Variants in SPOCK1 observed in about 807,000 individuals in gnomAD.
SPOCK1 encodes SPARC (osteonectin), cwcv and kazal like domains proteoglycan 1.
In SPOCK1, 23 loss-of-function variants were observed where a neutral mutation model predicts 55.3. The ratio of observed to expected loss-of-function variants is 0.42; its 90% confidence interval spans 0.30 to 0.59. The LOEUF (loss-of-function observed/expected upper bound fraction) is 0.59, where lower values mean the gene tolerates loss of function less well. SPOCK1 is among the 20% of genes least tolerant of loss of function. The probability of loss-of-function intolerance (pLI) is 0.22; values close to 1 mark genes in which losing one functional copy is unlikely to be tolerated. For missense variants in SPOCK1, 499 were observed against 552.5 expected, an observed-to-expected ratio of 0.90 and a Z score of 0.97; for synonymous variants, 226 against 221.0, an observed-to-expected ratio of 1.02 and a Z score of -0.20.
At chr5:137,256,991 A>G (rs938711045) in intron 3 of SPOCK1, among the ~76,000 whole-genome samples, 1 of 152,196 alleles carries the variant, frequency 6.6e-6, no homozygotes, top group Non-Finnish European at 1.5e-5. Context: ...AGTCCTTACA[A>G]TGCTGACCCA....
At chr5:137,306,470 A>G (rs1757702727) in intron 2 of SPOCK1, among the ~76,000 whole-genome samples, 1 of 152,168 alleles carries the variant, frequency 6.6e-6, no homozygotes. Flanking sequence ...TGAGCAGGGG[A>G]CATCTGTGTA....
At chr5:137,432,171 C>G (rs1752761671) in intron 2 of SPOCK1, among the ~76,000 whole-genome samples, 1 of 152,184 alleles carries the variant, frequency 6.6e-6, no homozygotes, top group Non-Finnish European at 1.5e-5. Context: ...TAAAATGATG[C>G]AGCTGCTATG....
intron 2 of SPOCK1, among the ~76,000 whole-genome samples, chr5:137,380,808 T>A (rs1751446552): frequency 6.6e-6 from 1 of 152,126 alleles, no homozygotes; most frequent in African/African-American, 2.4e-5. Context: ...TATTATTCCA[T>A]CCCTGGCCCC....
At chr5:137,115,054 T>A (rs1753550382) in intron 4 of SPOCK1, among the ~76,000 whole-genome samples, 1 of 152,130 alleles carries the variant, frequency 6.6e-6, no homozygotes, top group African/African-American at 2.4e-5. Context: ...ATCATCTCTA[T>A]CACTGGACCT....
intron 3 of SPOCK1, among the ~76,000 whole-genome samples, chr5:137,192,251 A>AAAAAG (rs1755196987): frequency 6.7e-6 from 1 of 149,046 alleles, no homozygotes; most frequent in East Asian, 1.9e-4. Flanking sequence ...AAAAAAAAAA[A>AAAAAG]AAAAGAAAAG....
At chr5:137,049,399 C>T (rs1237140279) in intron 6 of SPOCK1, among the ~76,000 whole-genome samples, 6 of 121,654 alleles carry the variant, frequency 4.9e-5, no homozygotes, top group Non-Finnish European at 6.8e-5. Flanking sequence ...TTTCATCTTC[C>T]ATTGCTGATA....
intron 2 of SPOCK1, among the ~76,000 whole-genome samples, chr5:137,364,459 C>T (rs1280707455): frequency 6.6e-6 from 1 of 152,190 alleles, no homozygotes; most frequent in Non-Finnish European, 1.5e-5. Flanking sequence ...TTTACACAGC[C>T]TTTGGATGGG....
At chr5:137,246,601 C>T (rs888034098) in intron 3 of SPOCK1, among the ~76,000 whole-genome samples, 1 of 152,166 alleles carries the variant, frequency 6.6e-6, no homozygotes, top group Non-Finnish European at 1.5e-5. Context: ...TTTTGCTATT[C>T]GCTTTGTAAT....
chr5:137,000,952 G>T (rs887501115), intron 6 of SPOCK1, among the ~76,000 whole-genome samples: 1 of 152,126 alleles, frequency 6.6e-6, no homozygotes, highest in Non-Finnish European at 1.5e-5. Flanking sequence ...CCAGTGAGCC[G>T]AGATCACGCC....
chr5:137,371,872 G>C (rs1254042417), intron 2 of SPOCK1, among the ~76,000 whole-genome samples: 2 of 152,062 alleles, frequency 1.3e-5, no homozygotes, highest in Non-Finnish European at 2.9e-5. Flanking sequence ...AGAAGGAAGG[G>C]GCTGTTACTA....
chr5:137,470,232 C>T (rs1161637304), intron 2 of SPOCK1, among the ~76,000 whole-genome samples: 1 of 152,174 alleles, frequency 6.6e-6, no homozygotes, highest in Non-Finnish European at 1.5e-5. Flanking sequence ...CAATATGTTC[C>T]ACAAGAGCAG....
intron 2 of SPOCK1, among the ~76,000 whole-genome samples, chr5:137,304,921 A>G (rs1045241628): frequency 6.6e-6 from 1 of 152,212 alleles, no homozygotes; most frequent in Non-Finnish European, 1.5e-5. Flanking sequence ...GCTTTAACAA[A>G]GTACCATAAA....
At chr5:137,480,305 A>T (rs755175793) in intron 2 of SPOCK1, among the ~76,000 whole-genome samples, 1 of 65,500 alleles carries the variant, frequency 1.5e-5, no homozygotes, top group Non-Finnish European at 2.8e-5. Context: ...GCTCTCCTTC[A>T]CACACACACA....
At chr5:137,198,909 G>T (rs1040882545) in intron 3 of SPOCK1, among the ~76,000 whole-genome samples, 3 of 152,162 alleles carry the variant, frequency 2.0e-5, no homozygotes, top group African/African-American at 7.2e-5. Flanking sequence ...GGGTAGCATG[G>T]AATGCTACGT....
At chr5:137,454,905 T>C (rs1175066776) in intron 2 of SPOCK1, among the ~76,000 whole-genome samples, 3 of 152,234 alleles carry the variant, frequency 2.0e-5, no homozygotes, top group South Asian at 2.1e-4. Context: ...ATTTGGAACA[T>C]TTGAATATGA....
intron 6 of SPOCK1, among the ~76,000 whole-genome samples, chr5:137,017,055 C>T (rs575816201): frequency 1.2e-4 from 19 of 152,354 alleles, no homozygotes; most frequent in African/African-American, 4.6e-4. Context: ...GTTCTCCTCC[C>T]CTGTTCTTCT....
chr5:137,440,925 CT>C (rs1420079337), intron 2 of SPOCK1, among the ~76,000 whole-genome samples: 3 of 152,204 alleles, frequency 2.0e-5, no homozygotes, highest in African/African-American at 7.2e-5. Context: ...AAATGAGGCA[CT>C]TATTGCTGCC....
intron 2 of SPOCK1, among the ~76,000 whole-genome samples, chr5:137,412,632 C>T (rs1021087003): frequency 8.5e-5 from 13 of 152,284 alleles, no homozygotes; most frequent in Middle Eastern, 3.4e-3. Flanking sequence ...AGCAGTCCCT[C>T]AGACAGAAAG....
chr5:137,472,623 A>T (rs962721911), intron 2 of SPOCK1, among the ~76,000 whole-genome samples: 2 of 152,230 alleles, frequency 1.3e-5, no homozygotes, highest in African/African-American at 4.8e-5. Context: ...TAACCTACAA[A>T]TACAGCTGCA....
Sources: gnomAD v4.1 joint callset for allele counts (sites outside exome capture counted in the v4.1 genomes callset) on GRCh38, gnomAD v4.1.1 for gene constraint, MANE v1.5 for transcripts, NCBI Gene and HGNC (gene_info 2026-07-23, HGNC 2026-07-21) for gene names.